ARHGEF7: variants seen among roughly 807,000 people sequenced by gnomAD.
ARHGEF7 encodes the protein Rho guanine nucleotide exchange factor 7, also known as PAK-interacting exchange factor beta.
In ARHGEF7, 33 loss-of-function variants were observed where a neutral mutation model predicts 109.8. That is an observed-to-expected ratio of 0.30 (90% confidence interval 0.23 to 0.40). The LOEUF is 0.40. Ranked by LOEUF, ARHGEF7 falls within the 10% of genes least tolerant of loss-of-function variation. ARHGEF7 has a pLI of 1.00. For synonymous variants in ARHGEF7, 458 were observed against 424.6 expected (o/e 1.08, Z -0.97); for missense variants, 938 against 1,098.5 (o/e 0.85, Z 2.07).
intron 19 of ARHGEF7, among the ~76,000 whole-genome samples, chr13:111,295,585 A>G (rs1040878661): frequency 1.3e-5 from 2 of 150,470 alleles, no homozygotes; most frequent in African/African-American, 2.5e-5. Flanking sequence ...TAAGAGAGTA[A>G]TGAAGCAAAA....
At chr13:111,289,208 G>A (rs1163815747) in intron 18 of ARHGEF7, among the ~76,000 whole-genome samples, 1 of 151,992 alleles carries the variant, frequency 6.6e-6, no homozygotes, top group African/African-American at 2.4e-5. Context: ...ATTTTTTTGT[G>A]TTTTTAGTAA....
At chr13:111,130,801 G>A (rs1035457987) in intron 1 of ARHGEF7, among the ~76,000 whole-genome samples, 1 of 152,234 alleles carries the variant, frequency 6.6e-6, no homozygotes, top group African/African-American at 2.4e-5. Flanking sequence ...TTTGGGGAAG[G>A]CTGTCCTCAA....
rs1238081253 is a variant in ARHGEF7, at chr13:111,255,622, C to T, written c.950+11328C>T. Among the ~76,000 whole-genome samples the T allele has an allele frequency of 6.6e-6, 1 of 152,246 alleles. No individual in the cohort carries two copies. The stretch of plus-strand genomic sequence containing the variant: ...TCAGTTGTGAAAATGTAACTTCGCA[C>T]TGGCTTTGGAGGGCCCTGAGTGAGC... On this transcript the variant is annotated intron_variant, in intron 8 of 21. Coordinates refer to ENST00000646102, the MANE Select transcript of ARHGEF7 (RefSeq NM_001354046.2). The surrounding 1 kb of genome is among the most constrained non-coding windows in gnomAD (Gnocchi z 4.1).
rs2066673323 is a variant in ARHGEF7 at position 111,115,548 on chromosome 13, G to A, written c.22G>A (p.Val8Ile). Residue 8 changes from valine to isoleucine, a missense_variant, in exon 1 of 22, where the codon GTT becomes ATT. Coordinates refer to ENST00000646102, the MANE Select transcript of ARHGEF7 (RefSeq NM_001354046.2). MNSAEQT[V>I]TWLITLGVLE... ...AGCGATGAATTCCGCCGAGCAAACC[G>A]TTACGTGGCTCATCACTCTGGGGGT... 3 of 1,377,084 alleles carry A rather than the reference G, an allele frequency of 2.2e-6. No homozygotes were observed. Among genetic ancestry groups the A allele is most frequent in the East Asian group, 3.6e-5 (1 of 27,424 alleles). The allele number at this position is 1,377,084 out of a possible 1,614,324, so 85.3% of individuals were successfully genotyped here. A position where few individuals can be genotyped will look rare whatever the true frequency, so the allele number is the denominator to read the frequency against.
chr13:111,221,253 ATC>A (rs2083902158), intron 5 of ARHGEF7, among the ~76,000 whole-genome samples: 1 of 55,970 alleles, frequency 1.8e-5, no homozygotes, highest in African/African-American at 8.8e-5. Context: ...GTCTATATAT[ATC>A]TATATAGATA....
chr13:111,164,964 G>A (rs1373421062), intron 2 of ARHGEF7, among the ~76,000 whole-genome samples: 1 of 152,172 alleles, frequency 6.6e-6, no homozygotes, highest in East Asian at 1.9e-4. Context: ...TATTGGCTAT[G>A]GGTTTTGTTT....
At chr13:111,182,517 G>C (rs776853322) in intron 2 of ARHGEF7, 4 of 152,362 alleles carry the variant, frequency 2.6e-5, no homozygotes, top group Non-Finnish European at 5.9e-5. Flanking sequence ...GCATGGCTGG[G>C]CCTCTTAACA....
intron 8 of ARHGEF7, among the ~76,000 whole-genome samples, chr13:111,253,445 G>C (rs1308908818): frequency 1.3e-5 from 2 of 152,200 alleles, no homozygotes; most frequent in Admixed American, 1.3e-4. Context: ...GAACATCCTT[G>C]TTGTACCAAA....
chr13:111,227,631 A>G (rs2085389230), intron 5 of ARHGEF7, among the ~76,000 whole-genome samples: 2 of 152,208 alleles, frequency 1.3e-5, no homozygotes, highest in Admixed American at 6.5e-5. Flanking sequence ...CTGTATTGCC[A>G]TGGTCTGAAA....
At chr13:111,240,833 C>T (rs577426524) in intron 6 of ARHGEF7, among the ~76,000 whole-genome samples, 9 of 152,120 alleles carry the variant, frequency 5.9e-5, no homozygotes, top group Middle Eastern at 3.4e-3. Context: ...ATCTTTTATA[C>T]AGATGAAACA....
chr13:111,162,762 A>C (rs1223753498), intron 2 of ARHGEF7, among the ~76,000 whole-genome samples: 1 of 152,148 alleles, frequency 6.6e-6, no homozygotes. Flanking sequence ...TTTAGCCAAG[A>C]TTGTGATTAG....
intron 4 of ARHGEF7, among the ~76,000 whole-genome samples, chr13:111,213,127 G>C (rs1479674486): frequency 6.6e-6 from 1 of 152,142 alleles, no homozygotes; most frequent in African/African-American, 2.4e-5. Context: ...TGGATTGTTA[G>C]GGTAATTTCA....
At chr13:111,283,042 T>C (rs1227895786) in intron 15 of ARHGEF7, 97 bp from the exon 16 acceptor site, 4 of 1,348,468 alleles carry the variant, frequency 3.0e-6, no homozygotes, top group Non-Finnish European at 4.1e-6. Flanking sequence ...TCACATGGAG[T>C]GTTTAAAGAG....
At chr13:111,293,462 G>A (rs572217910) in intron 19 of ARHGEF7, 33 of 981,658 alleles carry the variant, frequency 3.4e-5, no homozygotes, top group African/African-American at 1.6e-4. Context: ...AAACTCACCC[G>A]TTTTCCTGGG....
At chr13:111,286,588 C>G (rs1393772043) in intron 17 of ARHGEF7, among the ~76,000 whole-genome samples, 1 of 152,158 alleles carries the variant, frequency 6.6e-6, no homozygotes, top group Non-Finnish European at 1.5e-5. Flanking sequence ...CCAGCATCTC[C>G]CAAAGCACCC....
intron 18 of ARHGEF7, among the ~76,000 whole-genome samples, chr13:111,291,459 G>A (rs1049771902): frequency 2.0e-5 from 3 of 152,346 alleles, no homozygotes; most frequent in South Asian, 2.1e-4. Context: ...GCTCCAGCGC[G>A]CCCTGGGAGC....
chr13:111,163,939 T>G (rs924348671), intron 2 of ARHGEF7, among the ~76,000 whole-genome samples: 1 of 152,228 alleles, frequency 6.6e-6, no homozygotes, highest in African/African-American at 2.4e-5. Flanking sequence ...TTCTTCACAT[T>G]AAGTCTATAA....
intron 8 of ARHGEF7, among the ~76,000 whole-genome samples, chr13:111,260,376 C>G (rs1341673363): frequency 6.6e-6 from 1 of 152,132 alleles, no homozygotes; most frequent in African/African-American, 2.4e-5. Flanking sequence ...GAGAGAGAAA[C>G]AAATACCATA....
rs527606184 is a variant in ARHGEF7, at chr13:111,221,265, ATATATGTC to A, written c.670+3391_670+3398del. Among the ~76,000 whole-genome samples the A allele has an allele frequency of 1.2e-4, 6 of 48,834 alleles. 1 individual carries two copies. The highest frequency in any genetic ancestry group is 2.3e-4 in the Non-Finnish European group (6 of 26,410). 32.0% of individuals were successfully genotyped at this position (48,834 alleles called of 152,430 possible). ...TATGTCTATATATATCTATATAGAT[ATATATGTC>A]TATATATATCTATATAGATATATAT... On this transcript the variant is annotated intron_variant, in intron 5 of 21. Transcript: ENST00000646102.
Sources: allele counts gnomAD v4.1 joint callset (sites outside exome capture counted in the v4.1 genomes callset), GRCh38; gene constraint gnomAD v4.1.1; non-coding constraint Gnocchi (gnomAD v3.1); transcripts MANE v1.5; gene names NCBI Gene and HGNC (gene_info 2026-07-23, HGNC 2026-07-21).